USP10: variants seen among roughly 807,000 people sequenced by gnomAD.
USP10 encodes ubiquitin carboxyl-terminal hydrolase 10.
USP10 carries 22 observed loss-of-function variants against 84.5 expected under a neutral mutation model. That is an observed-to-expected ratio of 0.26 (90% CI 0.19 to 0.37). The LOEUF (loss-of-function observed/expected upper bound fraction) is 0.37, where lower values mean the gene tolerates loss of function less well. USP10 is among the 10% of genes least tolerant of loss of function. The pLI, the probability that USP10 is intolerant of heterozygous loss-of-function variation, is 1.00. For synonymous variants in USP10, 454 were observed against 387.6 expected, an observed-to-expected ratio of 1.17 and a Z score of -2.01; for missense variants, 1,019 against 998.9, an observed-to-expected ratio of 1.02 and a Z score of -0.27.
intron 6 of USP10, 196 bp from the exon 7 acceptor site, chr16:84,759,695 G>A (rs544460308): frequency 6.3e-5 from 43 of 687,188 alleles, no homozygotes; most frequent in South Asian, 6.2e-4. Context: ...ATATTTTAGC[G>A]TTTACCAGCA....
chr16:84,706,468 ATATATATATT>A (rs891265657), intron 1 of USP10, among the ~76,000 whole-genome samples: 2 of 148,816 alleles, frequency 1.3e-5, no homozygotes, highest in African/African-American at 4.9e-5. Context: ...TGCAAAGACT[ATATATATATT>A]TATATGTATT....
chr16:84,770,099 C>T (rs569358825), intron 11 of USP10, among the ~76,000 whole-genome samples: 4 of 152,128 alleles, frequency 2.6e-5, no homozygotes, highest in South Asian at 4.2e-4. Context: ...ATAGTGAAAC[C>T]GTGTCTCTAA....
chr16:84,739,399 G>A (rs1910353433), intron 2 of USP10, among the ~76,000 whole-genome samples: 1 of 152,086 alleles, frequency 6.6e-6, no homozygotes, highest in Non-Finnish European at 1.5e-5. Context: ...AGCCTCCCAA[G>A]TAGCTGGGAT....
At chr16:84,758,509 A>G (rs922521152) in intron 4 of USP10, among the ~76,000 whole-genome samples, 5 of 152,164 alleles carry the variant, frequency 3.3e-5, no homozygotes, top group African/African-American at 1.2e-4. Flanking sequence ...TTGCTATTTG[A>G]GGGAAAAGAT....
At position 84,779,157 on chromosome 16, in the gene USP10, T is replaced by G. The variant is rs781745579; in HGVS notation, c.*75T>G. 2.0e-6 allele frequency: 3 copies of G among 1,512,874 alleles called. No individual in the cohort carries two copies. In the African/African-American group the frequency reaches 4.1e-5, roughly 21 times the overall value. 93.7% of individuals were successfully genotyped at this position (1,512,874 alleles called of 1,614,324 possible). A position where few individuals can be genotyped will look rare whatever the true frequency, so the allele number is the denominator to read the frequency against. On this transcript the variant is annotated 3_prime_UTR_variant, in exon 14 of 14. Coordinates refer to ENST00000219473, the MANE Select transcript of USP10 (RefSeq NM_005153.3). ...CCTCACACTCACTTCCCGCCTCTCT[T>G]TAGTGGCTCTTTAGAGAGAAACTCT...
intron 1 of USP10, among the ~76,000 whole-genome samples, chr16:84,714,464 G>A (rs572164092): frequency 1.3e-5 from 2 of 151,756 alleles, no homozygotes; most frequent in African/African-American, 2.4e-5. Context: ...GGCTACAGAC[G>A]TGCGCCACCG....
chr16:84,739,847 T>G (rs1458078140), intron 2 of USP10, among the ~76,000 whole-genome samples: 1 of 152,212 alleles, frequency 6.6e-6, no homozygotes, highest in Non-Finnish European at 1.5e-5. Flanking sequence ...TCCTCTGCTC[T>G]CCGACCATGG....
At chr16:84,733,325 G>A (rs1415210392) in intron 1 of USP10, 110 bp from the exon 2 acceptor site, 46 of 805,466 alleles carry the variant, frequency 5.7e-5, no homozygotes, top group Non-Finnish European at 8.6e-5. Flanking sequence ...AAGGATCTTG[G>A]GGGTTATGGC....
intron 13 of USP10, 41 bp from the exon 14 acceptor site, chr16:84,778,854 A>C (rs958339364): frequency 6.3e-7 from 1 of 1,581,224 alleles, no homozygotes; most frequent in East Asian, 2.3e-5. Flanking sequence ...ATTCGTGTGC[A>C]GTGCTGTTCT....
chr16:84,759,195 C>G (rs1386973225), intron 5 of USP10, 168 bp from the exon 6 acceptor site: 2 of 662,950 alleles, frequency 3.0e-6, no homozygotes, highest in East Asian at 2.7e-5. Flanking sequence ...TCACAGGACA[C>G]TTACCCTAGT....
intron 3 of USP10, among the ~76,000 whole-genome samples, chr16:84,743,313 T>C (rs1370845836): frequency 6.6e-6 from 1 of 152,188 alleles, no homozygotes; most frequent in Non-Finnish European, 1.5e-5. Flanking sequence ...GCCACCACCC[T>C]TCACCCCCCA....
intron 1 of USP10, among the ~76,000 whole-genome samples, chr16:84,707,417 A>G (rs1905678074): frequency 6.6e-6 from 1 of 152,250 alleles, no homozygotes; most frequent in African/African-American, 2.4e-5. Context: ...TTAAGACACG[A>G]AAACAGCACA....
chr16:84,774,467 G>A (rs1472168022), intron 12 of USP10, among the ~76,000 whole-genome samples: 1 of 149,804 alleles, frequency 6.7e-6, no homozygotes, highest in African/African-American at 2.5e-5. Context: ...CTGAAGTTTT[G>A]TTTTGTTTTT....
In USP10 at chr16:84,759,872, AT is replaced by A. The variant is rs770369481; in HGVS notation, c.1395-13del. 3.7e-6 allele frequency: 6 copies of A among 1,613,310 alleles called. No homozygotes were observed. In the Admixed American group the frequency reaches 6.7e-5, roughly 18 times the overall value. On this transcript the variant is annotated intron_variant, in intron 6 of 13. Transcript: ENST00000219473. ...ATTGTTTAAAACTGCACTATTTAAC[AT>A]TTTTTCCCCATGTTTAGTGTTCGGC...
intron 2 of USP10, among the ~76,000 whole-genome samples, chr16:84,735,432 G>A (rs1909807707): frequency 6.6e-6 from 1 of 152,176 alleles, no homozygotes; most frequent in African/African-American, 2.4e-5. Context: ...TTTCAAGTCT[G>A]AAGGCCTGGG....
chr16:84,730,141 A>T lies in USP10; in HGVS notation c.22-3294A>T, dbSNP rs977636657. Among the ~76,000 whole-genome samples, 4 of 152,040 alleles carry T rather than the reference A, an allele frequency of 2.6e-5. No individual in the cohort carries two copies. The South Asian group carries it at 6.2e-4, about 24-fold the overall frequency. On this transcript the variant is annotated intron_variant, in intron 1 of 13. Coordinates refer to ENST00000219473, the MANE Select transcript of USP10 (RefSeq NM_005153.3). Reference sequence around the variant, plus strand: ...TCCTGTCTGCGTCCACTCAGCGTCCACTCAGTGCTACTGTCCCAAAGGTGA... The same window carrying T: ...TCCTGTCTGCGTCCACTCAGCGTCCTCTCAGTGCTACTGTCCCAAAGGTGA...
At chr16:84,718,480 C>T (rs576733432) in intron 1 of USP10, among the ~76,000 whole-genome samples, 7 of 152,236 alleles carry the variant, frequency 4.6e-5, no homozygotes, top group Admixed American at 2.0e-4. Context: ...TTCTTCTGGC[C>T]GGGTGCGGTG....
At chr16:84,747,158 T>A (rs1321089969) in intron 4 of USP10, among the ~76,000 whole-genome samples, 1 of 152,204 alleles carries the variant, frequency 6.6e-6, no homozygotes, top group Non-Finnish European at 1.5e-5. Context: ...AGAAGCTGTG[T>A]CATCAGGTTG....
intron 1 of USP10, among the ~76,000 whole-genome samples, chr16:84,701,070 A>C (rs1033969556): frequency 6.6e-6 from 1 of 152,184 alleles, no homozygotes; most frequent in African/African-American, 2.4e-5. Flanking sequence ...AAATATGGGG[A>C]AATGAAACAA....
Sources: allele counts gnomAD v4.1 joint callset (sites outside exome capture counted in the v4.1 genomes callset), GRCh38; gene constraint gnomAD v4.1.1; transcripts MANE v1.5; gene names NCBI Gene and HGNC (gene_info 2026-07-23, HGNC 2026-07-21).